TMTC2: variants seen among roughly 807,000 people sequenced by gnomAD.
The protein encoded by TMTC2 is protein O-mannosyl-transferase TMTC2.
A neutral mutation model predicts 82.4 loss-of-function variants in TMTC2; 43 were observed. The observed-to-expected ratio is 0.52, with a 90% confidence interval of 0.41 to 0.67. The LOEUF is 0.67. Among genes scored for constraint, TMTC2 ranks in the 30% least tolerant of loss-of-function variants. TMTC2 has a pLI of 0.00. For synonymous variants in TMTC2, 408 were observed against 381.9 expected, an observed-to-expected ratio of 1.07 and a Z score of -0.80; for missense variants, 919 against 1,012.4, an observed-to-expected ratio of 0.91 and a Z score of 1.25.
rs756765144 is a variant in TMTC2, at chr12:83,061,809, T to G, written c.2309T>G (p.Leu770Arg). ...LNEAAEKYYD[L>R]AARLRPNYPA... ...GAAGCAGCTGAGAAGTATTATGATC[T>G]GGCAGCCAGGCTGAGGCCTAATGTA... Residue 770 changes from leucine (L) to arginine (R), a missense_variant, in exon 11 of 12, where the codon CTG becomes CGG. Leu to Arg is a moderately radical substitution (Grantham distance 102, BLOSUM62 -2). Coordinates refer to ENST00000321196, the MANE Select transcript of TMTC2 (RefSeq NM_152588.3). The G allele has an allele frequency of 2.5e-6, 4 of 1,596,776 alleles. No homozygotes were observed. Among genetic ancestry groups the G allele is most frequent in the South Asian group, 1.2e-5 (1 of 86,248 alleles).
chr12:83,108,211 A>T (rs1398372948), intron 11 of TMTC2, among the ~76,000 whole-genome samples: 1 of 152,168 alleles, frequency 6.6e-6, no homozygotes, highest in Non-Finnish European at 1.5e-5. Context: ...TACGGTCTTT[A>T]AATGAAAAGT....
At chr12:82,788,181 A>G (rs946249868) in intron 1 of TMTC2, among the ~76,000 whole-genome samples, 2 of 152,106 alleles carry the variant, frequency 1.3e-5, no homozygotes, top group Non-Finnish European at 2.9e-5. Flanking sequence ...CTTAATAAAA[A>G]TATGTATTAT....
At chr12:82,719,273 C>T (rs1025063308) in intron 1 of TMTC2, among the ~76,000 whole-genome samples, 3 of 150,800 alleles carry the variant, frequency 2.0e-5, no homozygotes, top group Non-Finnish European at 4.4e-5. Flanking sequence ...TTTGTATTTT[C>T]AGTAGAGACG....
At position 82,896,389 on chromosome 12, in the gene TMTC2, C is replaced by T. The variant is rs754452313; in HGVS notation, c.1226C>T (p.Thr409Met). 6.8e-6 allele frequency: 11 copies of T among 1,613,998 alleles called. No individual in the cohort carries two copies. Among genetic ancestry groups the T allele is most frequent in the South Asian group, 2.2e-5 (2 of 91,088 alleles). Residue 409 changes from threonine to methionine, a missense_variant, in exon 3 of 12, where the codon ACG becomes ATG. Coordinates refer to ENST00000321196, the MANE Select transcript of TMTC2 (RefSeq NM_152588.3). ...SLLIIPFVPA[T>M]NLFFYVGFVI... ...TTAATCATACCCTTTGTTCCTGCCA[C>T]GAACCTGTTTTTCTATGTCGGCTTT...
chr12:83,129,221 A>C (rs1284323472), intron 11 of TMTC2, among the ~76,000 whole-genome samples: 2 of 152,212 alleles, frequency 1.3e-5, no homozygotes, highest in Non-Finnish European at 2.9e-5. Flanking sequence ...TTAAATATTC[A>C]CATTTTTAGT....
intron 3 of TMTC2, among the ~76,000 whole-genome samples, chr12:82,901,985 G>T (rs1220244601): frequency 1.3e-5 from 2 of 152,154 alleles, no homozygotes; most frequent in Admixed American, 6.5e-5. Context: ...TTCACCAAGT[G>T]TTTCTTCTCT....
intron 8 of TMTC2, among the ~76,000 whole-genome samples, chr12:83,025,095 G>A (rs1200071874): frequency 6.6e-6 from 1 of 152,080 alleles, no homozygotes; most frequent in Non-Finnish European, 1.5e-5. Flanking sequence ...TGGAGGCTGA[G>A]GCATGAGAAT....
intron 11 of TMTC2, among the ~76,000 whole-genome samples, chr12:83,120,170 C>T (rs973364229): frequency 3.3e-5 from 5 of 152,084 alleles, no homozygotes; most frequent in East Asian, 3.9e-4. Context: ...TTTCATTCAT[C>T]GTGCTATTTG....
At chr12:83,067,142 G>A (rs188689144) in intron 11 of TMTC2, among the ~76,000 whole-genome samples, 38 of 152,012 alleles carry the variant, frequency 2.5e-4, no homozygotes, top group Admixed American at 2.2e-3. Context: ...AAGTTAATGA[G>A]CAGGGAACCC....
chr12:82,945,756 A>C (rs1185184260), intron 4 of TMTC2, among the ~76,000 whole-genome samples: 2 of 152,224 alleles, frequency 1.3e-5, no homozygotes, highest in African/African-American at 2.4e-5. Flanking sequence ...GTGAGTTAAG[A>C]ATTATTTCCT....
Position 82,795,326 on chromosome 12 carries a change from AAAAG to A in TMTC2, c.84-61681_84-61678del, listed in dbSNP as rs1878666770. 5.3e-5 allele frequency among the ~76,000 whole-genome samples: 8 copies of A among 151,816 alleles called. No individual in the cohort carries two copies. In the South Asian group the frequency reaches 1.2e-3, roughly 24 times the overall value. On this transcript the variant is annotated intron_variant, in intron 1 of 11. Coordinates refer to ENST00000321196, the MANE Select transcript of TMTC2 (RefSeq NM_152588.3). The stretch of plus-strand genomic sequence containing the variant: ...GATTCCATCTCAAAAAAAAAAAAAA[AAAAG>A]AAGTTAAAAAATTTATATGGTAAGA...
intron 8 of TMTC2, among the ~76,000 whole-genome samples, chr12:83,026,086 A>C (rs1390532366): frequency 6.6e-6 from 1 of 152,270 alleles, no homozygotes; most frequent in South Asian, 2.1e-4. Context: ...AATTGTGGGA[A>C]GGGGTGGAGC....
intron 1 of TMTC2, among the ~76,000 whole-genome samples, chr12:82,841,779 T>A (rs1478197344): frequency 6.6e-6 from 1 of 152,216 alleles, no homozygotes; most frequent in African/African-American, 2.4e-5. Flanking sequence ...TATTTAAATT[T>A]TGTAATATGA....
At chr12:82,835,776 A>G (rs1870002832) in intron 1 of TMTC2, among the ~76,000 whole-genome samples, 1 of 152,178 alleles carries the variant, frequency 6.6e-6, no homozygotes, top group South Asian at 2.1e-4. Context: ...TGCAGTTGGT[A>G]AATCGCTGTT....
At position 82,934,978 on chromosome 12, in the gene TMTC2, G is replaced by GA. The variant is rs562287267; in HGVS notation, c.1598+4439dup. ...AGGCAGAAATAAACCAAAGTTTTGG[G>GA]AAAAAAGCCTCAATATATATGTTTC... On this transcript the variant is annotated intron_variant, in intron 4 of 11. Transcript: ENST00000321196. 1.4e-4 allele frequency among the ~76,000 whole-genome samples: 21 copies of GA among 151,566 alleles called. No individual in the cohort carries two copies. The South Asian group carries it at 4.2e-3, about 30-fold the overall frequency.
chr12:82,919,951 T>G (rs1875285704), intron 3 of TMTC2, among the ~76,000 whole-genome samples: 1 of 152,168 alleles, frequency 6.6e-6, no homozygotes, highest in Non-Finnish European at 1.5e-5. Flanking sequence ...CATGGCAATA[T>G]AGGCTTTTTC....
chr12:82,762,477 C>T (rs1471653566), intron 1 of TMTC2, among the ~76,000 whole-genome samples: 1 of 152,192 alleles, frequency 6.6e-6, no homozygotes, highest in East Asian at 1.9e-4. Context: ...GAGAGGAATG[C>T]CGTGGCCGCT....
intron 7 of TMTC2, among the ~76,000 whole-genome samples, chr12:82,971,721 C>G (rs1878453373): frequency 6.6e-6 from 1 of 150,624 alleles, no homozygotes; most frequent in African/African-American, 2.4e-5. Flanking sequence ...AACAAAAGGG[C>G]ATAATGTATT....
rs539244558 is a variant in TMTC2 at position 83,006,840 on chromosome 12, CT to C, written c.2070+20795del. Among the ~76,000 whole-genome samples the C allele has an allele frequency of 5.9e-5, 9 of 152,168 alleles. 1 individual carries two copies. In the South Asian group the frequency reaches 1.9e-3, roughly 32 times the overall value. The stretch of plus-strand genomic sequence containing the variant: ...GCTGGAAACCATCATTCTCAGCAAA[CT>C]ATCACAAGGACAGAAAACCAAACAC... On this transcript the variant is annotated intron_variant, in intron 8 of 11. Coordinates refer to ENST00000321196, the MANE Select transcript of TMTC2 (RefSeq NM_152588.3).
Sources: gnomAD v4.1 joint callset for allele counts (sites outside exome capture counted in the v4.1 genomes callset) on GRCh38, gnomAD v4.1.1 for gene constraint, MANE v1.5 for transcripts, NCBI Gene and HGNC (gene_info 2026-07-23, HGNC 2026-07-21) for gene names.